DLEC1: variants seen among roughly 807,000 people sequenced by gnomAD.
DLEC1 encodes the protein deleted in lung and esophageal cancer protein 1.
Under a neutral mutation model 198.1 loss-of-function variants are expected in DLEC1, and 146 were observed. That is an observed-to-expected ratio of 0.74 (90% CI 0.64 to 0.85). The LOEUF (loss-of-function observed/expected upper bound fraction) is 0.85. DLEC1 is among the 40% of genes least tolerant of loss of function. DLEC1 has a pLI of 0.00. For synonymous variants in DLEC1, 897 were observed against 866.8 expected (o/e 1.03, Z -0.61); for missense variants, 2,233 against 2,220.0 (o/e 1.01, Z -0.12).
chr3:38,116,829 C>T lies in DLEC1; in HGVS notation c.4119C>T (p.Ile1373=), dbSNP rs752708875. ...NRVAQKLISV[I]LQAHEGVPSG... is the part of the protein sequence containing the mutation. Reference sequence around the variant, plus strand: ...TGGCACAGAAGCTCATCTCAGTCATCCTGCAGGCACATGAGGGGGTGCCCT... The same window carrying T: ...TGGCACAGAAGCTCATCTCAGTCATTCTGCAGGCACATGAGGGGGTGCCCT... The change falls in exon 29 of 37, where the codon ATC becomes ATT. Residue 1373 remains isoleucine (I), a synonymous_variant. Transcript: ENST00000308059. 2.5e-6 allele frequency: 4 copies of T among 1,613,870 alleles called. No homozygotes were observed. The highest frequency in any genetic ancestry group is 3.4e-6 in the Non-Finnish European group (4 of 1,179,908).
chr3:38,092,976 T>A lies in DLEC1; in HGVS notation c.1756+96T>A. On this transcript the variant is annotated intron_variant, in intron 11 of 36. Coordinates refer to ENST00000308059, the MANE Select transcript of DLEC1 (RefSeq NM_007335.4). ...TAGCATTAGCGGCAGCCCACCTGTT[T>A]CCTGTGTGTGTCAGGAGCGCACATT... 2.5e-6 allele frequency: 3 copies of A among 1,178,170 alleles called. No homozygotes were observed. The South Asian group carries it at 3.7e-5, about 15-fold the overall frequency. 73.0% of individuals were successfully genotyped at this position (1,178,170 alleles called of 1,614,324 possible).
At chr3:38,096,007 TTCTCC>T in intron 14 of DLEC1, 61 bp downstream of exon 14, 1 of 1,583,150 alleles carries the variant, frequency 6.3e-7, no homozygotes, top group Non-Finnish European at 8.7e-7. Context: ...ACCTTGGGGG[TTCTCC>T]TGGGGAAGGT....
chr3:38,074,365 C>G (rs1697488346), intron 6 of DLEC1, among the ~76,000 whole-genome samples: 1 of 152,140 alleles, frequency 6.6e-6, no homozygotes, highest in African/African-American at 2.4e-5. Context: ...AAGTTTTTTC[C>G]TAATGTCAGG....
At position 38,123,396 on chromosome 3, in the gene DLEC1, C is replaced by T. The variant is rs143201921; in HGVS notation, c.*984C>T. 165 of 408,468 alleles carry T rather than the reference C, an allele frequency of 4.0e-4. 1 individual carries two copies. In the East Asian group the frequency reaches 6.8e-3, roughly 17 times the overall value. 25.3% of individuals were successfully genotyped at this position (408,468 alleles called of 1,614,324 possible). A position where few individuals can be genotyped will look rare whatever the true frequency, so the allele number is the denominator to read the frequency against. ...TGTTTCTGTGTGCATGTTCCCCTCCCCAGGGATCGATCATAATCCCAAAAG... is the reference window on the plus strand; with the variant it reads ...TGTTTCTGTGTGCATGTTCCCCTCCTCAGGGATCGATCATAATCCCAAAAG... On this transcript the variant is annotated 3_prime_UTR_variant, in exon 37 of 37. Transcript: ENST00000308059.
intron 31 of DLEC1, 84 bp from the exon 32 acceptor site, chr3:38,117,443 G>A (rs41285113): frequency 6.2e-7 from 1 of 1,604,810 alleles, no homozygotes; most frequent in Non-Finnish European, 8.5e-7. Flanking sequence ...GGGAAAGGCT[G>A]GCCCGAGGCT....
chr3:38,086,386 T>C lies in DLEC1; in HGVS notation c.1572+9T>C. ...CACCACTAAGTTTCAAGGTGAGTGATCACAGGTTGCTAACTGGAAAAATTA... is the reference window on the plus strand; with the variant it reads ...CACCACTAAGTTTCAAGGTGAGTGACCACAGGTTGCTAACTGGAAAAATTA... On this transcript the variant is annotated intron_variant, in intron 9 of 36. Transcript: ENST00000308059. The C allele has an allele frequency of 6.3e-7, 1 of 1,595,042 alleles. No individual in the cohort carries two copies. The highest frequency in any genetic ancestry group is 1.3e-5 in the African/African-American group (1 of 74,328).
chr3:38,062,745 T>C lies in DLEC1; in HGVS notation c.1038T>C (p.Phe346=). Residue 346 remains phenylalanine, a synonymous_variant, in exon 5 of 37, where the codon TTT becomes TTC. Transcript: ENST00000308059. ...NTRYGGKSLV[F]PPKKPAPIGE... is the part of the protein sequence containing the mutation. Reference sequence around the variant, plus strand: ...GATATGGAGGCAAGTCTCTTGTTTTTCCTCCAAAGAAGCCAGCACCGATAG... The same window carrying C: ...GATATGGAGGCAAGTCTCTTGTTTTCCCTCCAAAGAAGCCAGCACCGATAG... 6.2e-7 allele frequency: 1 copy of C among 1,614,110 alleles called. No homozygotes were observed. The highest frequency in any genetic ancestry group is 8.5e-7 in the Non-Finnish European group (1 of 1,180,006).
chr3:38,098,282 G>T (rs531213821), intron 18 of DLEC1, among the ~76,000 whole-genome samples: 4 of 152,272 alleles, frequency 2.6e-5, no homozygotes, highest in South Asian at 2.1e-4. Context: ...GGAAGGTTCA[G>T]ATCCTCCCAG....
intron 19 of DLEC1, among the ~76,000 whole-genome samples, chr3:38,104,996 C>T (rs1212044046): frequency 1.3e-5 from 2 of 152,072 alleles, no homozygotes; most frequent in Non-Finnish European, 2.9e-5. Context: ...TTTCATATAT[C>T]ATGTTTTCAT....
chr3:38,058,854 A>G (rs143126567), intron 2 of DLEC1, among the ~76,000 whole-genome samples: 6 of 150,888 alleles, frequency 4.0e-5, no homozygotes, highest in African/African-American at 1.5e-4. Context: ...CTTCCTCTCA[A>G]TTTTGCTGCA....
chr3:38,076,148 C>T (rs944230364), intron 6 of DLEC1, among the ~76,000 whole-genome samples: 12 of 151,996 alleles, frequency 7.9e-5, no homozygotes, highest in East Asian at 5.8e-4. Context: ...TGAAGGGTGG[C>T]GCCAAGATTG....
rs750699337 is a variant in DLEC1, at chr3:38,039,618, C to A, written c.393C>A (p.Phe131Leu). 2 of 1,605,372 alleles carry A rather than the reference C, an allele frequency of 1.2e-6. No individual in the cohort carries two copies. Among genetic ancestry groups the A allele is most frequent in the Non-Finnish European group, 8.5e-7 (1 of 1,174,152 alleles). The stretch of plus-strand genomic sequence containing the variant: ...GCGAGAATGAGCGCCACGAGGAGTT[C>A]GTGGACCAGCTGCAGCAGGTAACGT... ...RGSENERHEE[F>L]VDQLQQIREL... The change falls in exon 1 of 37, where the codon TTC becomes TTA. Residue 131 changes from phenylalanine to leucine, a missense_variant. Coordinates refer to ENST00000308059, the MANE Select transcript of DLEC1 (RefSeq NM_007335.4).
intron 6 of DLEC1, among the ~76,000 whole-genome samples, chr3:38,078,970 C>T (rs1174712496): frequency 2.0e-5 from 3 of 152,120 alleles, no homozygotes; most frequent in East Asian, 1.9e-4. Context: ...CTGTAGCAGG[C>T]GAGTGATAAC....
intron 6 of DLEC1, among the ~76,000 whole-genome samples, chr3:38,068,482 C>T (rs979512335): frequency 3.3e-5 from 5 of 151,932 alleles, no homozygotes; most frequent in African/African-American, 9.7e-5. Flanking sequence ...CCACCCGCCT[C>T]GGCTTCCTAA....
rs1212152752 is a variant in DLEC1 at position 38,062,208 on chromosome 3, G to A, written c.713G>A (p.Cys238Tyr). ...GGATGTTCAAAACTGACATTTAGCTGTGAGAAGCGTTCCGTCCAGAAGAAA... is the reference window on the plus strand; with the variant it reads ...GGATGTTCAAAACTGACATTTAGCTATGAGAAGCGTTCCGTCCAGAAGAAA... Reference protein sequence around the residue: ...LPGCSKLTFSCEKRSVQKKEL... With the variant: ...LPGCSKLTFSYEKRSVQKKEL... The change falls in exon 4 of 37, where the codon TGT becomes TAT. Residue 238 changes from cysteine (C) to tyrosine (Y), a missense_variant. By Grantham distance (194) the Cys-to-Tyr change is radical. Transcript: ENST00000308059. The A allele has an allele frequency of 4.3e-6, 7 of 1,614,122 alleles. 1 individual carries two copies. The African/African-American group carries it at 6.7e-5, about 15-fold the overall frequency.
At chr3:38,087,831 G>A (rs79523093) in intron 9 of DLEC1, among the ~76,000 whole-genome samples, 4,285 of 152,290 alleles carry the variant, frequency 0.028, 72 homozygotes, top group Middle Eastern at 0.058. Flanking sequence ...TGCAGCTCTC[G>A]TGCCTCAGGA....
At chr3:38,084,077 A>C in intron 6 of DLEC1, 81 bp from the exon 7 acceptor site, 1 of 1,381,070 alleles carries the variant, frequency 7.2e-7, no homozygotes, top group East Asian at 2.4e-5. Context: ...CCCCCTTCTC[A>C]TATTAGAGTA....
Position 38,094,974 on chromosome 3 carries a change from ACCCCGACAAGGAGACTGC to A in DLEC1, c.2017_2034del (p.Pro673_Ala678del). ...TTCAGCATGGACAGCATCAAGTGCTACCCCGACAAGGAGACTGCCTTCTCCATCATGCCCAGAAAGGGG... is the reference window on the plus strand; with the variant it reads ...TTCAGCATGGACAGCATCAAGTGCTACTTCTCCATCATGCCCAGAAAGGGG... On this transcript the variant is annotated inframe_deletion, in exon 13 of 37. Coordinates refer to ENST00000308059, the MANE Select transcript of DLEC1 (RefSeq NM_007335.4). 2 of 1,614,154 alleles carry A rather than the reference ACCCCGACAAGGAGACTGC, an allele frequency of 1.2e-6. No homozygotes were observed. Among genetic ancestry groups the A allele is most frequent in the Non-Finnish European group, 1.7e-6 (2 of 1,180,020 alleles).
Position 38,122,435 on chromosome 3 carries a change from C to T in DLEC1, c.*23C>T. The stretch of plus-strand genomic sequence containing the variant: ...TGAGGCTCCGCCCCAGCCCTCAGCC[C>T]CAGGCCCCAGCTGGAGAAAAAACAT... On this transcript the variant is annotated 3_prime_UTR_variant, in exon 37 of 37. Transcript: ENST00000308059. 1 of 1,614,138 alleles carries T rather than the reference C, an allele frequency of 6.2e-7. No individual in the cohort carries two copies.
Sources: gnomAD v4.1 joint callset for allele counts (sites outside exome capture counted in the v4.1 genomes callset) on GRCh38, gnomAD v4.1.1 for gene constraint, MANE v1.5 for transcripts, NCBI Gene and HGNC (gene_info 2026-07-23, HGNC 2026-07-21) for gene names.